CCDC12: variants seen among roughly 807,000 people sequenced by gnomAD.
The protein encoded by CCDC12 is coiled-coil domain containing 12, also known as coiled-coil domain-containing protein 12.
CCDC12 carries 28 observed loss-of-function variants against 25.7 expected under a neutral mutation model. That is an observed-to-expected ratio of 1.09 (90% confidence interval 0.81 to 1.50). The LOEUF (loss-of-function observed/expected upper bound fraction) is 1.50. CCDC12 is among the 40% of genes most tolerant of loss of function. The pLI is 0.00. For missense variants in CCDC12, 198 were observed against 210.0 expected, an observed-to-expected ratio of 0.94 and a Z score of 0.35; for synonymous variants, 75 against 87.7, an observed-to-expected ratio of 0.86 and a Z score of 0.81.
chr3:46,964,139 C>T (rs1406695056), intron 1 of CCDC12, among the ~76,000 whole-genome samples: 2 of 151,512 alleles, frequency 1.3e-5, no homozygotes, highest in African/African-American at 4.9e-5. Flanking sequence ...GCGTCTCTGC[C>T]CGGCCGCCCC....
chr3:46,976,417 C>A (rs547700592), intron 1 of CCDC12: 3 of 1,420,144 alleles, frequency 2.1e-6, no homozygotes, highest in South Asian at 1.5e-5. Context: ...CCTTGCCCAC[C>A]CCCGCGCATG....
At chr3:46,969,989 G>A (rs1044228603) in intron 1 of CCDC12, among the ~76,000 whole-genome samples, 9 of 146,656 alleles carry the variant, frequency 6.1e-5, no homozygotes, top group Admixed American at 5.6e-4. Context: ...TGCAACCTCT[G>A]CCCCTACCAG....
intron 2 of CCDC12, among the ~76,000 whole-genome samples, chr3:46,939,945 C>T (rs2033625672): frequency 6.6e-6 from 1 of 152,238 alleles, no homozygotes; most frequent in Middle Eastern, 3.4e-3. Context: ...CTCCCGCTCC[C>T]CCTGGGCAAA....
intron 2 of CCDC12, among the ~76,000 whole-genome samples, chr3:46,932,542 C>T (rs1206988783): frequency 6.6e-6 from 1 of 152,200 alleles, no homozygotes; most frequent in African/African-American, 2.4e-5. Flanking sequence ...GCAATAAAAC[C>T]TCCCTTCCCT....
At chr3:46,963,798 G>A (rs1248446761) in intron 1 of CCDC12, among the ~76,000 whole-genome samples, 1 of 152,246 alleles carries the variant, frequency 6.6e-6, no homozygotes, top group Admixed American at 6.5e-5. Flanking sequence ...CGTGATCTCG[G>A]CTCGCTACAA....
intron 1 of CCDC12, among the ~76,000 whole-genome samples, chr3:46,968,978 T>C (rs1378557631): frequency 1.3e-5 from 2 of 152,220 alleles, no homozygotes; most frequent in African/African-American, 4.8e-5. Context: ...ACTGCCAACC[T>C]GCCAAAAGCT....
At chr3:46,978,388 C>G (rs901577771), upstream of CCDC12, among the ~76,000 whole-genome samples, 10 of 152,160 alleles carry the variant, frequency 6.6e-5, no homozygotes, top group South Asian at 1.0e-3. Context: ...CTTGGCCAAC[C>G]AAGGTCTAGG....
intron 1 of CCDC12, among the ~76,000 whole-genome samples, chr3:46,966,523 A>AG (rs1036500529): frequency 2.8e-4 from 43 of 151,760 alleles, no homozygotes; most frequent in African/African-American, 9.2e-4. Context: ...CTCAAAAAAA[A>AG]AAAGAAAGAA....
intron 1 of CCDC12, among the ~76,000 whole-genome samples, chr3:46,965,265 CT>C (rs1346922203): frequency 2.0e-5 from 3 of 152,350 alleles, no homozygotes; most frequent in South Asian, 2.1e-4. Context: ...TCCCTGCCCC[CT>C]ATCAGTGAGG....
At chr3:46,974,045 A>G (rs2034890744) in intron 1 of CCDC12, among the ~76,000 whole-genome samples, 1 of 152,252 alleles carries the variant, frequency 6.6e-6, no homozygotes, top group Non-Finnish European at 1.5e-5. Flanking sequence ...GACATATGCT[A>G]CAACATGGAT....
intron 1 of CCDC12, among the ~76,000 whole-genome samples, chr3:46,951,798 A>AATATATATATATAT (rs1553649460): frequency 1.5e-3 from 13 of 8,408 alleles, no homozygotes; most frequent in East Asian, 0.019. Flanking sequence ...AAAAAAAAAA[A>AATATATATATATAT]ATATATATAT....
At position 46,934,809 on chromosome 3, in the gene CCDC12, G is replaced by A. The variant is rs1273826385; in HGVS notation, c.164+6189C>T. ...AGGAGATCTCCACTGCCCATGACTG[G>A]GACATCACCAGATGTAGACATCCTC... On this transcript the variant is annotated intron_variant, in intron 2 of 6. Transcript: ENST00000683445. Among the ~76,000 whole-genome samples, 4 of 152,332 alleles carry A rather than the reference G, an allele frequency of 2.6e-5. No homozygotes were observed. In the South Asian group the frequency reaches 6.2e-4, roughly 24 times the overall value.
rs73831413 is a variant in CCDC12, at chr3:46,934,764, C to T, written c.164+6234G>A. Among the ~76,000 whole-genome samples the T allele has an allele frequency of 2.5e-3, 374 of 151,728 alleles. 3 individuals are homozygous for T. Among genetic ancestry groups the T allele is most frequent in the African/African-American group, 8.7e-3 (359 of 41,342 alleles). On this transcript the variant is annotated intron_variant, in intron 2 of 6. Transcript: ENST00000683445. ...CAGGAAAAACGAGGCAGTCGTGGGT[C>T]CCTGTGCTGCTGCTTCAGCAGGAGA...
intron 1 of CCDC12, among the ~76,000 whole-genome samples, chr3:46,955,207 C>T (rs943644478): frequency 1.7e-4 from 5 of 30,190 alleles, no homozygotes; most frequent in African/African-American, 2.5e-4. Flanking sequence ...TCCTCGTGGG[C>T]AAGTCTGTTT....
At chr3:46,976,887 C>T (rs1177861164), upstream of CCDC12, 14 of 1,291,294 alleles carry the variant, frequency 1.1e-5, no homozygotes, top group Admixed American at 2.6e-5. Context: ...GAGCCCTCCC[C>T]GCCTTGCCCC....
chr3:46,928,824 A>G (rs973303912), intron 2 of CCDC12, among the ~76,000 whole-genome samples: 1 of 152,190 alleles, frequency 6.6e-6, no homozygotes, highest in Non-Finnish European at 1.5e-5. Flanking sequence ...ATTGCAGGGA[A>G]AAAATAAAAT....
intron 2 of CCDC12, among the ~76,000 whole-genome samples, chr3:46,938,384 T>C (rs1421685093): frequency 1.3e-5 from 2 of 152,124 alleles, no homozygotes; most frequent in African/African-American, 2.4e-5. Flanking sequence ...TTGGTTTTTT[T>C]CCCACAGTTT....
intron 2 of CCDC12, among the ~76,000 whole-genome samples, chr3:46,927,634 G>C (rs142414241): frequency 6.6e-6 from 1 of 152,294 alleles, no homozygotes; most frequent in African/African-American, 2.4e-5. Context: ...AAGCAGCCAA[G>C]AACATCTAGA....
chr3:46,957,600 C>G (rs1374945532), intron 1 of CCDC12, among the ~76,000 whole-genome samples: 1 of 152,214 alleles, frequency 6.6e-6, no homozygotes, highest in Admixed American at 6.5e-5. Context: ...GTCTCACTAA[C>G]GCAGGCCTCC....
Sources: allele counts gnomAD v4.1 joint callset (sites outside exome capture counted in the v4.1 genomes callset), GRCh38; gene constraint gnomAD v4.1.1; transcripts MANE v1.5; gene names NCBI Gene and HGNC (gene_info 2026-07-23, HGNC 2026-07-21).